ATXN7L3B: variants seen among roughly 807,000 people sequenced by gnomAD.
The protein encoded by ATXN7L3B is ataxin 7 like 3B.
Under a neutral mutation model 6.3 loss-of-function variants are expected in ATXN7L3B, and 4 were observed. The observed-to-expected ratio is 0.63, with a 90% CI of 0.31 to 1.45. The LOEUF (loss-of-function observed/expected upper bound fraction) is 1.45. Among genes scored for constraint, ATXN7L3B ranks in the 40% most tolerant of loss-of-function variants. The pLI is 0.07. For missense variants in ATXN7L3B, 120 were observed against 118.5 expected (o/e 1.01, Z -0.06); for synonymous variants, 63 against 48.0 (o/e 1.31, Z -1.29).
chr12:74,537,845 G>A lies in ATXN7L3B; in HGVS notation c.-268G>A. The A allele has an allele frequency of 2.2e-6, 1 of 452,094 alleles. No homozygotes were observed. Among genetic ancestry groups the A allele is most frequent in the South Asian group, 2.5e-5 (1 of 40,400 alleles). The allele number at this position is 452,094 out of a possible 1,614,324, so 28.0% of individuals were successfully genotyped here. ...GAGCGGAAGAGGCCCAGGAGGCTGG[G>A]TGAGGCGCTGAGACGGTTTGGCGGT... On this transcript the variant is annotated 5_prime_UTR_variant, in exon 1 of 1. In the 5' UTR this introduces an upstream ATG that the reference lacks. Coordinates refer to ENST00000519948, the MANE Select transcript of ATXN7L3B (RefSeq NM_001136262.2).
rs1868793292 is a variant in ATXN7L3B at position 74,538,636 on chromosome 12, CG to C, written c.*233del. ...TGGGCAGGAGGAGCTGCACAGCCTG[CG>C]GGCCATGCAGTGCCTGTTGATCTCT... On this transcript the variant is annotated 3_prime_UTR_variant, in exon 1 of 1. Coordinates refer to ENST00000519948, the MANE Select transcript of ATXN7L3B (RefSeq NM_001136262.2). 3.6e-6 allele frequency: 2 copies of C among 556,806 alleles called. No individual in the cohort carries two copies. Among genetic ancestry groups the C allele is most frequent in the African/African-American group, 3.8e-5 (2 of 52,794 alleles). 34.5% of individuals were successfully genotyped at this position (556,806 alleles called of 1,614,324 possible).
Position 74,538,312 on chromosome 12 carries a change from AAGG to A in ATXN7L3B, c.203_205del (p.Gly68del). ...TTTGGCATTCAGCCAGTGGAAGACA[AAGG>A]AGCGTGCCGCCTCCCGCTTTGCTCC... On this transcript the variant is annotated inframe_deletion, in exon 1 of 1. Coordinates refer to ENST00000519948, the MANE Select transcript of ATXN7L3B (RefSeq NM_001136262.2). 1 of 1,554,830 alleles carries A rather than the reference AAGG, an allele frequency of 6.4e-7. No individual in the cohort carries two copies. Among genetic ancestry groups the A allele is most frequent in the Non-Finnish European group, 8.7e-7 (1 of 1,148,898 alleles).
In ATXN7L3B at chr12:74,538,135, A is replaced by G. The variant is rs1253943890; in HGVS notation, c.23A>G (p.Asn8Ser). The change falls in exon 1 of 1, where the codon AAC (asparagine) becomes AGC (serine). Residue 8 changes from asparagine (N) to serine (S), a missense_variant. Physicochemically the swap from Asn to Ser is conservative, Grantham distance 46. Coordinates refer to ENST00000519948, the MANE Select transcript of ATXN7L3B (RefSeq NM_001136262.2). ...AAAATGGAGGAAATTTCGTTGGCCA[A>G]CCTGGATACTAACAAGCTAGAGGCC... is the stretch of plus-strand genomic sequence containing the variant. MEEISLA[N>S]LDTNKLEAIA... is the part of the protein sequence containing the mutation. 3 of 1,564,270 alleles carry G rather than the reference A, an allele frequency of 1.9e-6. No individual in the cohort carries two copies. Among genetic ancestry groups the G allele is most frequent in the Non-Finnish European group, 2.6e-6 (3 of 1,154,420 alleles).
In ATXN7L3B at chr12:74,538,730, G is replaced by A. The variant is rs1592595469; in HGVS notation, c.*324G>A. ...GCACAGGTGAGCAGTTGTGTGCCCA[G>A]CATATAAAATTTTTGGTTCCTCAGC... is the stretch of plus-strand genomic sequence containing the variant. On this transcript the variant is annotated 3_prime_UTR_variant, in exon 1 of 1. Coordinates refer to ENST00000519948, the MANE Select transcript of ATXN7L3B (RefSeq NM_001136262.2). The A allele has an allele frequency of 7.0e-6, 2 of 286,590 alleles. No homozygotes were observed. Among genetic ancestry groups the A allele is most frequent in the East Asian group, 1.6e-4 (2 of 12,124 alleles). 17.8% of individuals were successfully genotyped at this position (286,590 alleles called of 1,614,324 possible).
rs1868877845 is a variant in ATXN7L3B, at chr12:74,540,928, C to T, written c.*2522C>T. The T allele has an allele frequency of 6.0e-6, 1 of 167,082 alleles. No individual in the cohort carries two copies. The highest frequency in any genetic ancestry group is 1.5e-5 in the Non-Finnish European group (1 of 68,180). 10.3% of individuals were successfully genotyped at this position (167,082 alleles called of 1,614,324 possible). ...ACCAATAGGGCAGTAGCCTCCTGCC[C>T]TGGATGGGTATAAGGTGGGCTTGGT... On this transcript the variant is annotated 3_prime_UTR_variant, in exon 1 of 1. Transcript: ENST00000519948.
rs1868954298 is a variant in ATXN7L3B at position 74,543,753 on chromosome 12, C to T, written c.*5347C>T. ...ATCCATGTGAAAATTTGAACTGATA[C>T]TGAAAAATAGTTTGAAAAAATTCAA... On this transcript the variant is annotated 3_prime_UTR_variant, in exon 1 of 1. Transcript: ENST00000519948. The T allele has an allele frequency of 1.3e-5, 2 of 151,742 alleles. No homozygotes were observed. Among genetic ancestry groups the T allele is most frequent in the Non-Finnish European group, 2.9e-5 (2 of 67,864 alleles). The allele number at this position is 151,742 out of a possible 1,614,324, so 9.4% of individuals were successfully genotyped here.
rs932025690 is a variant in ATXN7L3B, at chr12:74,538,319, G to A, written c.207G>A (p.Ala69=). The change falls in exon 1 of 1, where the codon GCG becomes GCA. Residue 69 remains alanine (A), a synonymous_variant. Coordinates refer to ENST00000519948, the MANE Select transcript of ATXN7L3B (RefSeq NM_001136262.2). ...TTCAGCCAGTGGAAGACAAAGGAGC[G>A]TGCCGCCTCCCGCTTTGCTCCCTTC... The part of the protein sequence containing the change: ...FGIQPVEDKG[A]CRLPLCSLPG... 3.9e-6 allele frequency: 6 copies of A among 1,553,858 alleles called. No homozygotes were observed. Among genetic ancestry groups the A allele is most frequent in the Non-Finnish European group, 5.2e-6 (6 of 1,148,250 alleles).
chr12:74,538,427 A>AGTG lies in ATXN7L3B; in HGVS notation c.*23_*25dup. 6 of 1,545,144 alleles carry AGTG rather than the reference A, an allele frequency of 3.9e-6. No individual in the cohort carries two copies. The highest frequency in any genetic ancestry group is 5.2e-6 in the Non-Finnish European group (6 of 1,143,342). On this transcript the variant is annotated 3_prime_UTR_variant, in exon 1 of 1. Transcript: ENST00000519948. ...AGTAGCTGCAAAATGAGAGTCTGAA[A>AGTG]GTGGCCAGGACAATAACATAGACTG...
In ATXN7L3B at chr12:74,540,509, G is replaced by C. The variant is rs1177742013; in HGVS notation, c.*2103G>C. On this transcript the variant is annotated 3_prime_UTR_variant, in exon 1 of 1. Coordinates refer to ENST00000519948, the MANE Select transcript of ATXN7L3B (RefSeq NM_001136262.2). ...GAGTTTGGGCCTTGGAACTGTTACTGCCTTGTCCTAGAGTTGTCCTGATCA... is the reference window on the plus strand; with the variant it reads ...GAGTTTGGGCCTTGGAACTGTTACTCCCTTGTCCTAGAGTTGTCCTGATCA... The C allele has an allele frequency of 6.0e-6, 1 of 167,232 alleles. No individual in the cohort carries two copies. Among genetic ancestry groups the C allele is most frequent in the Non-Finnish European group, 1.5e-5 (1 of 68,232 alleles). 10.4% of individuals were successfully genotyped at this position (167,232 alleles called of 1,614,324 possible).
rs1428227545 is a variant in ATXN7L3B at position 74,538,038 on chromosome 12, C to A, written c.-75C>A. 1.1e-5 allele frequency: 16 copies of A among 1,459,644 alleles called. No homozygotes were observed. The highest frequency in any genetic ancestry group is 1.5e-5 in the Non-Finnish European group (16 of 1,080,576). 90.4% of individuals were successfully genotyped at this position (1,459,644 alleles called of 1,614,324 possible). A position where few individuals can be genotyped will look rare whatever the true frequency, so the allele number is the denominator to read the frequency against. ...GCACTGAAAGGCCTCTAGGCCTAGG[C>A]GCGGCCCGCGGAGCCAGACGTGTTG... On this transcript the variant is annotated 5_prime_UTR_variant, in exon 1 of 1. Coordinates refer to ENST00000519948, the MANE Select transcript of ATXN7L3B (RefSeq NM_001136262.2).
rs1868823751 is a variant in ATXN7L3B at position 74,539,445 on chromosome 12, TTC to T, written c.*1040_*1041del. 6.0e-6 allele frequency: 1 copy of T among 167,272 alleles called. No individual in the cohort carries two copies. The highest frequency in any genetic ancestry group is 2.4e-5 in the African/African-American group (1 of 41,436). 10.4% of individuals were successfully genotyped at this position (167,272 alleles called of 1,614,324 possible). ...TTGAAAACTGAGCCCAGAGGGCACTTTCAGCTGCCCTCAATAATGTGAATGGA... is the reference window on the plus strand; with the variant it reads ...TTGAAAACTGAGCCCAGAGGGCACTTAGCTGCCCTCAATAATGTGAATGGA... On this transcript the variant is annotated 3_prime_UTR_variant, in exon 1 of 1. Coordinates refer to ENST00000519948, the MANE Select transcript of ATXN7L3B (RefSeq NM_001136262.2).
rs773479272 is a variant in ATXN7L3B at position 74,538,422 on chromosome 12, C to T, written c.*16C>T. On this transcript the variant is annotated 3_prime_UTR_variant, in exon 1 of 1. Coordinates refer to ENST00000519948, the MANE Select transcript of ATXN7L3B (RefSeq NM_001136262.2). ...ATTCCAGTAGCTGCAAAATGAGAGT[C>T]TGAAAGTGGCCAGGACAATAACATA... The T allele has an allele frequency of 8.9e-5, 137 of 1,546,314 alleles. No homozygotes were observed. Among genetic ancestry groups the T allele is most frequent in the Non-Finnish European group, 1.0e-4 (119 of 1,143,988 alleles).
chr12:74,545,023 C>T lies in ATXN7L3B; in HGVS notation c.*6617C>T, dbSNP rs1868988351. 1 of 152,026 alleles carries T rather than the reference C, an allele frequency of 6.6e-6. No individual in the cohort carries two copies. Among genetic ancestry groups the T allele is most frequent in the Non-Finnish European group, 1.5e-5 (1 of 67,906 alleles). The allele number at this position is 152,026 out of a possible 1,614,324, so 9.4% of individuals were successfully genotyped here. A position where few individuals can be genotyped will look rare whatever the true frequency, so the allele number is the denominator to read the frequency against. ...AAAAACAAAATACCAATTTACCCTA[C>T]TCAGTATGATTAAATTTTTTTAAAT... On this transcript the variant is annotated 3_prime_UTR_variant, in exon 1 of 1. Transcript: ENST00000519948.
Position 74,538,318 on chromosome 12 carries a change from C to A in ATXN7L3B, c.206C>A (p.Ala69Glu), listed in dbSNP as rs1032785360. 1.3e-6 allele frequency: 2 copies of A among 1,553,676 alleles called. No homozygotes were observed. The highest frequency in any genetic ancestry group is 2.4e-5 in the East Asian group (1 of 41,000). The change falls in exon 1 of 1, where the codon GCG (alanine) becomes GAG (glutamate). Residue 69 changes from alanine to glutamate, a missense_variant. Coordinates refer to ENST00000519948, the MANE Select transcript of ATXN7L3B (RefSeq NM_001136262.2). ...ATTCAGCCAGTGGAAGACAAAGGAG[C>A]GTGCCGCCTCCCGCTTTGCTCCCTT... The part of the protein sequence containing the change: ...FGIQPVEDKG[A>E]CRLPLCSLPG...
At position 74,543,743 on chromosome 12, in the gene ATXN7L3B, TG is replaced by T. The variant is rs1418706449; in HGVS notation, c.*5338del. On this transcript the variant is annotated 3_prime_UTR_variant, in exon 1 of 1. Coordinates refer to ENST00000519948, the MANE Select transcript of ATXN7L3B (RefSeq NM_001136262.2). ...ATTAGAGAAAATCCATGTGAAAATTTGAACTGATACTGAAAAATAGTTTGAA... is the reference window on the plus strand; with the variant it reads ...ATTAGAGAAAATCCATGTGAAAATTTAACTGATACTGAAAAATAGTTTGAA... 1 of 151,978 alleles carries T rather than the reference TG, an allele frequency of 6.6e-6. No individual in the cohort carries two copies. Among genetic ancestry groups the T allele is most frequent in the Non-Finnish European group, 1.5e-5 (1 of 67,904 alleles). 9.4% of individuals were successfully genotyped at this position (151,978 alleles called of 1,614,324 possible). A position where few individuals can be genotyped will look rare whatever the true frequency, so the allele number is the denominator to read the frequency against.
rs1432465108 is a variant in ATXN7L3B at position 74,544,652 on chromosome 12, G to A, written c.*6246G>A. On this transcript the variant is annotated 3_prime_UTR_variant, in exon 1 of 1. Coordinates refer to ENST00000519948, the MANE Select transcript of ATXN7L3B (RefSeq NM_001136262.2). ...TTCCTATATGGATTAAAGATTTAAT[G>A]TGTAAAAGTAAAAAATGTCAAATCT... 1 of 151,974 alleles carries A rather than the reference G, an allele frequency of 6.6e-6. No homozygotes were observed. Among genetic ancestry groups the A allele is most frequent in the Non-Finnish European group, 1.5e-5 (1 of 67,872 alleles). The allele number at this position is 151,974 out of a possible 1,614,324, so 9.4% of individuals were successfully genotyped here.
In ATXN7L3B at chr12:74,538,628, A is replaced by C. The variant is rs961496649; in HGVS notation, c.*222A>C. ...TGAAGCCCTGGGCAGGAGGAGCTGC[A>C]CAGCCTGCGGGCCATGCAGTGCCTG... On this transcript the variant is annotated 3_prime_UTR_variant, in exon 1 of 1. Coordinates refer to ENST00000519948, the MANE Select transcript of ATXN7L3B (RefSeq NM_001136262.2). 2 of 573,186 alleles carry C rather than the reference A, an allele frequency of 3.5e-6. No individual in the cohort carries two copies. The highest frequency in any genetic ancestry group is 3.8e-5 in the African/African-American group (2 of 53,146). The allele number at this position is 573,186 out of a possible 1,614,324, so 35.5% of individuals were successfully genotyped here. A position where few individuals can be genotyped will look rare whatever the true frequency, so the allele number is the denominator to read the frequency against.
rs1243130298 is a variant in ATXN7L3B at position 74,544,270 on chromosome 12, GAGA to G, written c.*5868_*5870del. On this transcript the variant is annotated 3_prime_UTR_variant, in exon 1 of 1. Coordinates refer to ENST00000519948, the MANE Select transcript of ATXN7L3B (RefSeq NM_001136262.2). ...GTTGGGAAAATCCCAAGTAAATGGA[GAGA>G]AGATGTTCACGCACAGAAAATGCAA... 6.6e-6 allele frequency: 1 copy of G among 151,152 alleles called. No individual in the cohort carries two copies. Among genetic ancestry groups the G allele is most frequent in the Non-Finnish European group, 1.5e-5 (1 of 67,616 alleles). The allele number at this position is 151,152 out of a possible 1,614,324, so 9.4% of individuals were successfully genotyped here.
In ATXN7L3B at chr12:74,543,237, CTT is replaced by C. The variant is rs1565677003; in HGVS notation, c.*4832_*4833del. ...AAAAAAAAATCTTCAGCAGCAGTGA[CTT>C]GCCCATAGTTCAAAAAGCAAAAATT... On this transcript the variant is annotated 3_prime_UTR_variant, in exon 1 of 1. Coordinates refer to ENST00000519948, the MANE Select transcript of ATXN7L3B (RefSeq NM_001136262.2). 1 of 152,004 alleles carries C rather than the reference CTT, an allele frequency of 6.6e-6. No homozygotes were observed. Among genetic ancestry groups the C allele is most frequent in the Non-Finnish European group, 1.5e-5 (1 of 67,950 alleles). 9.4% of individuals were successfully genotyped at this position (152,004 alleles called of 1,614,324 possible).
Sources: gnomAD v4.1 joint callset for allele counts on GRCh38, gnomAD v4.1.1 for gene constraint, MANE v1.5 for transcripts, NCBI Gene and HGNC (gene_info 2026-07-23, HGNC 2026-07-21) for gene names.